Variants in TRAPPC9 observed in about 807,000 individuals in gnomAD.
TRAPPC9 encodes the protein trafficking protein particle complex subunit 9, also known as IKK2 binding protein.
In TRAPPC9, 83 loss-of-function variants were observed where a neutral mutation model predicts 124.0. That is an observed-to-expected ratio of 0.67 (90% CI 0.56 to 0.80). The LOEUF (loss-of-function observed/expected upper bound fraction) is 0.80, where lower values mean the gene tolerates loss of function less well. Ranked by LOEUF, TRAPPC9 falls within the 30% of genes least tolerant of loss-of-function variation. TRAPPC9 has a pLI of 0.00. For missense variants in TRAPPC9, 1,302 were observed against 1,508.3 expected, an observed-to-expected ratio of 0.86 and a Z score of 2.27; for synonymous variants, 638 against 617.5, an observed-to-expected ratio of 1.03 and a Z score of -0.49.
intron 9 of TRAPPC9, among the ~76,000 whole-genome samples, chr8:140,356,290 A>T (rs1588207568): frequency 6.6e-6 from 1 of 152,210 alleles, no homozygotes; most frequent in South Asian, 2.1e-4. Flanking sequence ...CACACGTGTA[A>T]ACATCAACCT....
intron 21 of TRAPPC9, among the ~76,000 whole-genome samples, chr8:139,852,079 G>A (rs1218368808): frequency 1.3e-5 from 2 of 152,184 alleles, no homozygotes; most frequent in Non-Finnish European, 2.9e-5. Flanking sequence ...CTGTTCTCGT[G>A]ATAGTGAGTA....
intron 17 of TRAPPC9, among the ~76,000 whole-genome samples, chr8:140,218,278 G>A (rs781643579): frequency 9.2e-5 from 14 of 152,072 alleles, no homozygotes; most frequent in East Asian, 1.9e-4. Context: ...AGAATAACCA[G>A]AAGGTAAATA....
intron 16 of TRAPPC9, among the ~76,000 whole-genome samples, chr8:140,237,680 G>A (rs573534342): frequency 6.6e-6 from 1 of 152,246 alleles, no homozygotes; most frequent in African/African-American, 2.4e-5. Context: ...GGACAGGGAG[G>A]CAGCAGCAAG....
intron 17 of TRAPPC9, among the ~76,000 whole-genome samples, chr8:140,057,302 G>A (rs941168228): frequency 4.6e-5 from 7 of 152,136 alleles, no homozygotes; most frequent in African/African-American, 7.2e-5. Context: ...ATCAGAAATA[G>A]AACTACTAAA....
intron 19 of TRAPPC9, among the ~76,000 whole-genome samples, chr8:139,987,588 A>G (rs1476881821): frequency 2.6e-5 from 4 of 152,234 alleles, no homozygotes; most frequent in African/African-American, 9.6e-5. Flanking sequence ...GGCAAATAAA[A>G]CAAAATCTAG....
chr8:139,992,501 C>T (rs118022235), intron 18 of TRAPPC9, among the ~76,000 whole-genome samples: 4 of 151,928 alleles, frequency 2.6e-5, no homozygotes, highest in East Asian at 3.9e-4. Context: ...GCTCAACCCA[C>T]GTTATGTTCA....
intron 17 of TRAPPC9, among the ~76,000 whole-genome samples, chr8:140,218,542 C>T (rs528766250): frequency 2.0e-4 from 30 of 152,076 alleles, no homozygotes; most frequent in African/African-American, 7.2e-4. Flanking sequence ...CTCCTTGGCA[C>T]ACAAGTTCTA....
chr8:140,304,385 G>A (rs976933534), intron 10 of TRAPPC9, among the ~76,000 whole-genome samples: 7 of 152,022 alleles, frequency 4.6e-5, no homozygotes, highest in African/African-American at 7.2e-5. Flanking sequence ...ATGAACCACC[G>A]TGCCCAGCCC....
At chr8:140,052,896 G>A (rs1030276217) in intron 17 of TRAPPC9, among the ~76,000 whole-genome samples, 36 of 151,672 alleles carry the variant, frequency 2.4e-4, no homozygotes, top group African/African-American at 7.8e-4. Context: ...GCAGTGAGCC[G>A]TGGTTGAACC....
chr8:139,917,683 A>C (rs1832241474), intron 19 of TRAPPC9, among the ~76,000 whole-genome samples: 1 of 152,078 alleles, frequency 6.6e-6, no homozygotes, highest in South Asian at 2.1e-4. Flanking sequence ...CCTGGGAGGG[A>C]GCAGATTCTC....
chr8:140,189,191 A>C (rs183379592), intron 17 of TRAPPC9, among the ~76,000 whole-genome samples: 1 of 152,356 alleles, frequency 6.6e-6, no homozygotes, highest in Admixed American at 6.5e-5. Flanking sequence ...GGCCTAACAC[A>C]TGCCTGGCAT....
intron 17 of TRAPPC9, among the ~76,000 whole-genome samples, chr8:140,047,731 G>T (rs1841707879): frequency 6.6e-6 from 1 of 152,150 alleles, no homozygotes; most frequent in Admixed American, 6.5e-5. Flanking sequence ...CCGAGTTCCG[G>T]TGTGCTGGAG....
At position 140,049,423 on chromosome 8, in the gene TRAPPC9, G is replaced by A. The variant is rs1279781228; in HGVS notation, c.2557-25344C>T. On this transcript the variant is annotated intron_variant, in intron 17 of 22. Transcript: ENST00000438773. Reference sequence around the variant, plus strand: ...CTCCAAGGTTCCTGCTATTGTACCCGGGCTCCTGTTCCTTCACTAGGGACC... The same window carrying A: ...CTCCAAGGTTCCTGCTATTGTACCCAGGCTCCTGTTCCTTCACTAGGGACC... Among the ~76,000 whole-genome samples the A allele has an allele frequency of 1.2e-4, 18 of 152,094 alleles. No individual in the cohort carries two copies. In the South Asian group the frequency reaches 3.1e-3, roughly 26 times the overall value.
chr8:140,450,707 C>A (rs921401686), intron 2 of TRAPPC9, 83 bp downstream of exon 2: 11 of 1,079,540 alleles, frequency 1.0e-5, no homozygotes, highest in Non-Finnish European at 1.5e-5. Context: ...CCTTTCTACT[C>A]CTTGCTGCAA....
chr8:139,956,131 A>AT (rs1268639725), intron 19 of TRAPPC9, among the ~76,000 whole-genome samples: 1 of 150,968 alleles, frequency 6.6e-6, no homozygotes, highest in Non-Finnish European at 1.5e-5. Flanking sequence ...TCTTTCGTGC[A>AT]TTTCACCCTA....
chr8:140,194,503 T>C (rs1274368291), intron 17 of TRAPPC9, among the ~76,000 whole-genome samples: 3 of 152,168 alleles, frequency 2.0e-5, no homozygotes, highest in Admixed American at 2.0e-4. Context: ...CAGATGCAGT[T>C]TTTTTGCTTG....
At position 139,852,123 on chromosome 8, in the gene TRAPPC9, T is replaced by C. The variant is rs534488424; in HGVS notation, c.3055+33756A>G. Among the ~76,000 whole-genome samples the C allele has an allele frequency of 2.0e-5, 3 of 152,304 alleles. No homozygotes were observed. The East Asian group carries it at 5.8e-4, about 29-fold the overall frequency. ...GAGATCTGATGATTATAAGGAGCTT[T>C]CCTACATAAGCTCTTTCTTTGCCTG... On this transcript the variant is annotated intron_variant, in intron 21 of 22. Transcript: ENST00000438773.
intron 17 of TRAPPC9, among the ~76,000 whole-genome samples, chr8:140,137,648 G>A (rs776444838): frequency 5.9e-5 from 9 of 152,244 alleles, no homozygotes; most frequent in Middle Eastern, 3.4e-3. Flanking sequence ...TTAACTAGAC[G>A]TTCCACCAAT....
chr8:139,923,392 C>T (rs1408516656), intron 19 of TRAPPC9, among the ~76,000 whole-genome samples: 1 of 152,224 alleles, frequency 6.6e-6, no homozygotes, highest in African/African-American at 2.4e-5. Context: ...CTTCCGGCGC[C>T]CCATCTGAAC....
Sources: allele counts gnomAD v4.1 joint callset (sites outside exome capture counted in the v4.1 genomes callset), GRCh38; gene constraint gnomAD v4.1.1; transcripts MANE v1.5; gene names NCBI Gene and HGNC (gene_info 2026-07-23, HGNC 2026-07-21).